Variants in PACRG observed in about 807,000 individuals in gnomAD.
PACRG encodes the protein parkin coregulated gene protein.
PACRG carries 29 observed loss-of-function variants against 29.7 expected under a neutral mutation model. The observed-to-expected ratio is 0.98, with a 90% CI of 0.73 to 1.33. The LOEUF is 1.33. PACRG is among the 40% of genes most tolerant of loss of function. The pLI, the probability that PACRG is intolerant of heterozygous loss-of-function variation, is 0.00. For synonymous variants in PACRG, 116 were observed against 118.7 expected (o/e 0.98, Z 0.15); for missense variants, 279 against 316.2 (o/e 0.88, Z 0.89).
intron 1 of PACRG, among the ~76,000 whole-genome samples, chr6:162,783,742 T>G (rs1784258731): frequency 6.6e-6 from 1 of 152,054 alleles, no homozygotes; most frequent in Non-Finnish European, 1.5e-5. Flanking sequence ...TCAAGGGGTA[T>G]TAACATTATA....
chr6:163,007,978 C>A (rs1324965), intron 2 of PACRG, among the ~76,000 whole-genome samples: 51,044 of 151,960 alleles, frequency 0.34, 9,745 homozygotes, highest in East Asian at 0.68. Context: ...TCTCTCAAGA[C>A]TTCCTAAATG....
chr6:163,064,050 T>G (rs564218739), intron 3 of PACRG, among the ~76,000 whole-genome samples: 1 of 152,090 alleles, frequency 6.6e-6, no homozygotes, highest in Non-Finnish European at 1.5e-5. Context: ...GTTCTTTTCC[T>G]CTGGCAGAAT....
intron 2 of PACRG, among the ~76,000 whole-genome samples, chr6:162,884,847 C>T (rs2128025628): frequency 1.3e-5 from 2 of 152,286 alleles, no homozygotes; most frequent in African/African-American, 4.8e-5. Flanking sequence ...GCTAAAAATC[C>T]AGCAAGGTCA....
intron 2 of PACRG, among the ~76,000 whole-genome samples, chr6:162,912,781 G>A (rs1796395830): frequency 6.6e-6 from 1 of 151,208 alleles, no homozygotes; most frequent in Admixed American, 6.6e-5. Flanking sequence ...AATGTTGGCC[G>A]GGATGCTCTT....
chr6:163,070,434 T>C (rs1445955770), intron 3 of PACRG, among the ~76,000 whole-genome samples: 3 of 152,116 alleles, frequency 2.0e-5, no homozygotes, highest in African/African-American at 7.2e-5. Context: ...GGGTTTTGAT[T>C]AGTTTTTGTT....
At chr6:162,868,306 C>T (rs1170156380) in intron 2 of PACRG, among the ~76,000 whole-genome samples, 1 of 152,156 alleles carries the variant, frequency 6.6e-6, no homozygotes, top group Non-Finnish European at 1.5e-5. Flanking sequence ...ATTACTAGAG[C>T]GACCATCAGA....
chr6:163,013,490 G>A (rs1051272100), intron 2 of PACRG, among the ~76,000 whole-genome samples: 14 of 150,770 alleles, frequency 9.3e-5, no homozygotes, highest in South Asian at 4.5e-4. Context: ...GTTCGACAAT[G>A]TGGATTGTCT....
intron 1 of PACRG, among the ~76,000 whole-genome samples, chr6:162,787,582 G>GTATATATATATATATATATA (rs869254835): frequency 4.8e-5 from 3 of 62,418 alleles, no homozygotes; most frequent in African/African-American, 6.0e-5. Context: ...GTGTGTGTGT[G>GTATATATATATATATATATA]TATATATATA....
chr6:162,765,470 G>A (rs1268363054), intron 1 of PACRG, among the ~76,000 whole-genome samples: 5 of 152,012 alleles, frequency 3.3e-5, no homozygotes, highest in African/African-American at 4.8e-5. Flanking sequence ...GTGAGACCAC[G>A]TCTACATCTG....
At chr6:162,887,098 G>A (rs148538266) in intron 2 of PACRG, among the ~76,000 whole-genome samples, 20 of 152,140 alleles carry the variant, frequency 1.3e-4, no homozygotes, top group African/African-American at 3.9e-4. Context: ...CAGTAGAGAC[G>A]GGGTTTCACC....
chr6:162,793,808 T>C (rs1012111618), intron 1 of PACRG, among the ~76,000 whole-genome samples: 1 of 152,182 alleles, frequency 6.6e-6, no homozygotes, highest in African/African-American at 2.4e-5. Context: ...AGAAGGGTCA[T>C]TCCCCAACTC....
intron 4 of PACRG, among the ~76,000 whole-genome samples, chr6:163,217,206 G>A (rs1781396862): frequency 6.6e-6 from 1 of 152,186 alleles, no homozygotes. Context: ...GAAGCTAGGG[G>A]TGCAGCCCGA....
chr6:163,311,245 G>C (rs4708993), intron 4 of PACRG, among the ~76,000 whole-genome samples: 84,039 of 152,018 alleles, frequency 0.55, 24,716 homozygotes, highest in African/African-American at 0.76. Flanking sequence ...AGAAGCACCA[G>C]GTCTGGCTTA....
chr6:163,194,211 C>T (rs902339283), intron 4 of PACRG, among the ~76,000 whole-genome samples: 1 of 152,152 alleles, frequency 6.6e-6, no homozygotes, highest in African/African-American at 2.4e-5. Context: ...ATTACACATT[C>T]CCCTGTAGCT....
chr6:163,018,484 C>T (rs1806306457), intron 2 of PACRG, among the ~76,000 whole-genome samples: 1 of 152,150 alleles, frequency 6.6e-6, no homozygotes, highest in Non-Finnish European at 1.5e-5. Context: ...TTGTTTGAGA[C>T]TTCATATTGG....
intron 2 of PACRG, 148 bp downstream of exon 2, chr6:162,814,429 CT>C: frequency 1.1e-6 from 1 of 925,974 alleles, no homozygotes; most frequent in Non-Finnish European, 1.6e-6. Context: ...GAAAGCCCCC[CT>C]GTGTCAGCCA....
intron 4 of PACRG, among the ~76,000 whole-genome samples, chr6:163,287,204 G>T (rs1026938980): frequency 6.6e-6 from 1 of 152,164 alleles, no homozygotes; most frequent in Non-Finnish European, 1.5e-5. Flanking sequence ...GCCCTGAGGA[G>T]AGAAATGGCA....
chr6:162,748,162 C>T (rs182760962), intron 1 of PACRG, among the ~76,000 whole-genome samples: 43 of 152,148 alleles, frequency 2.8e-4, no homozygotes, highest in African/African-American at 9.9e-4. Flanking sequence ...AGTGAATCTG[C>T]TGAAACGTAT....
chr6:163,314,526 ACT>A (rs1355948220), intron 4 of PACRG, among the ~76,000 whole-genome samples: 1 of 151,824 alleles, frequency 6.6e-6, no homozygotes, highest in Non-Finnish European at 1.5e-5. Context: ...CCAAGAGAAC[ACT>A]CTGTATATAA....
Sources: gnomAD v4.1 joint callset for allele counts (sites outside exome capture counted in the v4.1 genomes callset) on GRCh38, gnomAD v4.1.1 for gene constraint, MANE v1.5 for transcripts, NCBI Gene and HGNC (gene_info 2026-07-23, HGNC 2026-07-21) for gene names.